Variants in CNTN4 observed in about 807,000 individuals in gnomAD.
CNTN4 encodes the protein contactin-4.
In CNTN4, 77 loss-of-function variants were observed where a neutral mutation model predicts 122.5. The observed-to-expected ratio is 0.63, with a 90% CI of 0.52 to 0.76. The LOEUF (loss-of-function observed/expected upper bound fraction) is 0.76, where lower values mean the gene tolerates loss of function less well. Among genes scored for constraint, CNTN4 ranks in the 30% least tolerant of loss-of-function variants. The pLI is 0.00. For missense variants in CNTN4, 1,256 were observed against 1,259.1 expected (o/e 1.00, Z 0.04); for synonymous variants, 512 against 447.0 (o/e 1.15, Z -1.83).
At chr3:2,515,166 T>C (rs1399156428) in intron 3 of CNTN4, among the ~76,000 whole-genome samples, 16 of 152,184 alleles carry the variant, frequency 1.1e-4, no homozygotes, top group Admixed American at 1.0e-3. Context: ...TGCTCTGTTA[T>C]ATATTAGAAT....
chr3:3,045,556 G>A (rs1361832947), intron 23 of CNTN4, among the ~76,000 whole-genome samples: 1 of 152,242 alleles, frequency 6.6e-6, no homozygotes, highest in African/African-American at 2.4e-5. Context: ...CAGCAGACCT[G>A]CAGCTGAGGG....
At chr3:2,794,892 C>T (rs2092123186) in intron 6 of CNTN4, among the ~76,000 whole-genome samples, 1 of 152,156 alleles carries the variant, frequency 6.6e-6, no homozygotes, top group Non-Finnish European at 1.5e-5. Flanking sequence ...CTCTGTCGGG[C>T]CTATTAGGGG....
intron 2 of CNTN4, among the ~76,000 whole-genome samples, chr3:2,209,560 C>A (rs2038514435): frequency 6.6e-6 from 1 of 152,116 alleles, no homozygotes. Flanking sequence ...CTGTGGTCTC[C>A]TTCAACCCTG....
chr3:2,189,257 A>T lies in CNTN4; in HGVS notation c.-145+88618A>T, dbSNP rs73098030. Among the ~76,000 whole-genome samples the T allele has an allele frequency of 1.8e-3, 279 of 152,242 alleles. 2 individuals carry two copies. Among genetic ancestry groups the T allele is most frequent in the African/African-American group, 6.4e-3 (267 of 41,544 alleles). ...GGGTCTGTGATGTGTGAAGAGAAAAATGCTCTTGATGTAAAACACAATGTG... is the reference window on the plus strand; with the variant it reads ...GGGTCTGTGATGTGTGAAGAGAAAATTGCTCTTGATGTAAAACACAATGTG... On this transcript the variant is annotated intron_variant, in intron 2 of 24. Transcript: ENST00000418658.
At chr3:2,368,587 C>G (rs775249460) in intron 3 of CNTN4, among the ~76,000 whole-genome samples, 2 of 152,042 alleles carry the variant, frequency 1.3e-5, no homozygotes, top group Non-Finnish European at 1.5e-5. Context: ...AGTCTATTCT[C>G]TCAGATCTGT....
chr3:2,444,132 T>C (rs2048533799), intron 3 of CNTN4, among the ~76,000 whole-genome samples: 1 of 151,512 alleles, frequency 6.6e-6, no homozygotes, highest in Admixed American at 6.6e-5. Flanking sequence ...TTTGAACAAC[T>C]ACTTTATACC....
At chr3:2,736,758 C>T (rs182148210) in intron 5 of CNTN4, among the ~76,000 whole-genome samples, 4 of 151,376 alleles carry the variant, frequency 2.6e-5, no homozygotes, top group African/African-American at 7.2e-5. Context: ...CCACCACACC[C>T]GGACCAAGAG....
chr3:2,747,385 G>A lies in CNTN4; in HGVS notation c.358+1688G>A, dbSNP rs1203457180. On this transcript the variant is annotated intron_variant, in intron 6 of 24. Transcript: ENST00000418658. ...GATGGCGCCACTGGACTCCAGCCTG[G>A]GCGACAGAGCGAGACTCCGTCTAAA... Among the ~76,000 whole-genome samples, 5 of 151,478 alleles carry A rather than the reference G, an allele frequency of 3.3e-5. No individual in the cohort carries two copies. The East Asian group carries it at 9.7e-4, about 29-fold the overall frequency.
intron 15 of CNTN4, among the ~76,000 whole-genome samples, chr3:3,029,611 AT>A (rs1699003230): frequency 6.6e-6 from 1 of 152,204 alleles, no homozygotes; most frequent in Non-Finnish European, 1.5e-5. Flanking sequence ...ATACATATTA[AT>A]TTTGAAATAG....
intron 4 of CNTN4, among the ~76,000 whole-genome samples, chr3:2,655,292 G>T (rs1157817354): frequency 6.6e-6 from 1 of 152,168 alleles, no homozygotes; most frequent in African/African-American, 2.4e-5. Context: ...GAGAAGTCTT[G>T]TCTGTTAAAG....
chr3:2,633,363 C>G (rs1559329212), intron 4 of CNTN4, among the ~76,000 whole-genome samples: 1 of 152,190 alleles, frequency 6.6e-6, no homozygotes, highest in Non-Finnish European at 1.5e-5. Context: ...TATCACACTT[C>G]ATTAGTTACA....
intron 4 of CNTN4, among the ~76,000 whole-genome samples, chr3:2,597,239 T>A (rs1372862635): frequency 6.6e-6 from 1 of 152,164 alleles, no homozygotes; most frequent in African/African-American, 2.4e-5. Context: ...ATTTCAGAGA[T>A]TGTTATGAAA....
intron 4 of CNTN4, among the ~76,000 whole-genome samples, chr3:2,624,041 A>G (rs1478717060): frequency 1.3e-5 from 2 of 152,238 alleles, no homozygotes; most frequent in Non-Finnish European, 2.9e-5. Context: ...TGATTTCTTC[A>G]TATATATCTC....
At chr3:2,351,631 G>C (rs922327564) in intron 3 of CNTN4, among the ~76,000 whole-genome samples, 3 of 152,152 alleles carry the variant, frequency 2.0e-5, no homozygotes, top group Admixed American at 2.0e-4. Context: ...ACTCGGAATG[G>C]TGTAGAATTT....
At chr3:2,281,054 A>G (rs550766547) in intron 2 of CNTN4, among the ~76,000 whole-genome samples, 14 of 152,318 alleles carry the variant, frequency 9.2e-5, no homozygotes, top group African/African-American at 3.4e-4. Context: ...ACTGCATACT[A>G]AAAGTTGGCT....
intron 3 of CNTN4, among the ~76,000 whole-genome samples, chr3:2,549,990 G>A (rs898966402): frequency 6.6e-6 from 1 of 152,068 alleles, no homozygotes; most frequent in Admixed American, 6.6e-5. Context: ...TTTGCGTAGA[G>A]GTGTTTATAC....
At chr3:2,296,947 A>G (rs1290142946) in intron 2 of CNTN4, among the ~76,000 whole-genome samples, 1 of 152,168 alleles carries the variant, frequency 6.6e-6, no homozygotes, top group Non-Finnish European at 1.5e-5. Flanking sequence ...TTTCTTCTGA[A>G]AAGAACTAGG....
At chr3:2,968,142 G>C (rs1179540749) in intron 13 of CNTN4, among the ~76,000 whole-genome samples, 3 of 152,194 alleles carry the variant, frequency 2.0e-5, no homozygotes, top group East Asian at 3.9e-4. Flanking sequence ...TTTGTCAGCA[G>C]CTGAACTGAG....
At chr3:2,107,790 G>A (rs1024271927) in intron 2 of CNTN4, among the ~76,000 whole-genome samples, 3 of 152,090 alleles carry the variant, frequency 2.0e-5, no homozygotes, top group African/African-American at 7.2e-5. Context: ...GGTTTTATTT[G>A]TTTGTTTGTT....
Sources: allele counts gnomAD v4.1 joint callset (sites outside exome capture counted in the v4.1 genomes callset), GRCh38; gene constraint gnomAD v4.1.1; transcripts MANE v1.5; gene names NCBI Gene and HGNC (gene_info 2026-07-23, HGNC 2026-07-21).